The following BPIFB1 variants were observed in gnomAD, a reference collection of about 807,000 sequenced individuals.
The protein encoded by BPIFB1 is BPI fold-containing family B member 1.
BPIFB1 carries 34 observed loss-of-function variants against 55.1 expected under a neutral mutation model. That is an observed-to-expected ratio of 0.62 (90% CI 0.47 to 0.82). BPIFB1 has a LOEUF of 0.82. Among genes scored for constraint, BPIFB1 ranks in the 40% least tolerant of loss-of-function variants. BPIFB1 has a pLI of 0.00. For synonymous variants in BPIFB1, 236 were observed against 245.3 expected, an observed-to-expected ratio of 0.96 and a Z score of 0.35; for missense variants, 532 against 593.1, an observed-to-expected ratio of 0.90 and a Z score of 1.07.
At chr20:33,287,379 A>G (rs1980304200) in intron 2 of BPIFB1, among the ~76,000 whole-genome samples, 1 of 152,250 alleles carries the variant, frequency 6.6e-6, no homozygotes. Flanking sequence ...AACTGCATCT[A>G]TTAGGGCCAT....
intron 2 of BPIFB1, 89 bp downstream of exon 2, chr20:33,286,277 G>A (rs1397250169): frequency 2.2e-5 from 25 of 1,156,870 alleles, no homozygotes; most frequent in East Asian, 7.4e-5. Flanking sequence ...TCCTCATCAC[G>A]GGGGATGTGC....
intron 7 of BPIFB1, among the ~76,000 whole-genome samples, chr20:33,299,378 A>AC (rs1726520254): frequency 1.3e-5 from 2 of 152,238 alleles, no homozygotes; most frequent in African/African-American, 4.8e-5. Flanking sequence ...TTTGGATTTC[A>AC]GAGTAGATGT....
rs765004311 is a variant in BPIFB1 at position 33,309,261 on chromosome 20, G to A, written c.1396-447G>A. On this transcript the variant is annotated intron_variant, in intron 15 of 15. Transcript: ENST00000253354. The surrounding 1 kb of genome is among the most constrained non-coding windows in gnomAD (Gnocchi z 4.4). Reference sequence around the variant, plus strand: ...AGAGTGGAGCCAAAACTTCAAGAAGGCAGGGGTTTCTGTCTGCTTTGTTCT... The same window carrying A: ...AGAGTGGAGCCAAAACTTCAAGAAGACAGGGGTTTCTGTCTGCTTTGTTCT... Among the ~76,000 whole-genome samples the A allele has an allele frequency of 6.6e-5, 10 of 152,134 alleles. No homozygotes were observed. The highest frequency in any genetic ancestry group is 1.2e-4 in the Non-Finnish European group (8 of 68,024).
At chr20:33,287,715 T>G (rs1013640476) in intron 2 of BPIFB1, among the ~76,000 whole-genome samples, 1 of 152,118 alleles carries the variant, frequency 6.6e-6, no homozygotes, top group Non-Finnish European at 1.5e-5. Flanking sequence ...TAAAATTCTC[T>G]GGGAAGCTGC....
At position 33,290,277 on chromosome 20, in the gene BPIFB1, G is replaced by A. The variant is rs149934545; in HGVS notation, c.365+285G>A. The stretch of plus-strand genomic sequence containing the variant: ...GGACTTGGCTTTTGCTGAGTAGGAC[G>A]GGAGCCAGGGAGGATTCTGAGCAGA... On this transcript the variant is annotated intron_variant, in intron 4 of 15. Transcript: ENST00000253354. 4.3e-3 allele frequency among the ~76,000 whole-genome samples: 660 copies of A among 152,286 alleles called. 5 individuals are homozygous for A. The highest frequency in any genetic ancestry group is 0.015 in the African/African-American group (626 of 41,554).
chr20:33,302,991 G>A lies in BPIFB1; in HGVS notation c.1057G>A (p.Gly353Ser), dbSNP rs200149860. 20 of 1,614,118 alleles carry A rather than the reference G, an allele frequency of 1.2e-5. No homozygotes were observed. The East Asian group carries it at 3.1e-4, about 25-fold the overall frequency. Reference protein sequence around the residue: ...QDTPEFFIDQGHAKVAQLIVL... With the variant: ...QDTPEFFIDQSHAKVAQLIVL... ...CACTCCCGAGTTTTTTATAGACCAA[G>A]GCCATGCCAAGGTGGCCCAACTGAT... The change falls in exon 11 of 16, where the codon GGC becomes AGC. Residue 353 changes from glycine (G) to serine (S), a missense_variant. Coordinates refer to ENST00000253354, the MANE Select transcript of BPIFB1 (RefSeq NM_033197.3).
chr20:33,304,836 T>A lies in BPIFB1; in HGVS notation c.1209-10T>A. On this transcript the variant is annotated splice_polypyrimidine_tract_variant and intron_variant, in intron 12 of 15. Coordinates refer to ENST00000253354, the MANE Select transcript of BPIFB1 (RefSeq NM_033197.3). ...TCAGGGGCCGCTCTCACAGGCATCT[T>A]CCATTGCAGCTCTGATCGGATCCAG... is the stretch of plus-strand genomic sequence containing the variant. 1.2e-6 allele frequency: 2 copies of A among 1,614,196 alleles called. No homozygotes were observed. Among genetic ancestry groups the A allele is most frequent in the Non-Finnish European group, 1.7e-6 (2 of 1,180,018 alleles).
chr20:33,297,746 C>T (rs959749756), intron 7 of BPIFB1, 158 bp downstream of exon 7: 28 of 754,932 alleles, frequency 3.7e-5, no homozygotes, highest in African/African-American at 5.2e-5. Context: ...GCCCCAGACG[C>T]GCAGACAGAA....
intron 13 of BPIFB1, among the ~76,000 whole-genome samples, chr20:33,305,316 C>CTTTTTTTTTTTTTT (rs34490442): frequency 9.4e-6 from 1 of 106,204 alleles, no homozygotes; most frequent in Non-Finnish European, 1.8e-5. Context: ...CTATTTTTGA[C>CTTTTTTTTTTTTTT]TTTTTTTTTT....
chr20:33,308,970 T>TACAC (rs34245707), intron 15 of BPIFB1, among the ~76,000 whole-genome samples: 1,864 of 149,372 alleles, frequency 0.012, 14 homozygotes, highest in Non-Finnish European at 0.019. Flanking sequence ...CACATACACA[T>TACAC]ACACACACAC....
At position 33,309,609 on chromosome 20, in the gene BPIFB1, C is replaced by T; in HGVS notation, c.1396-99C>T. ...TTTGTGGGTTCAGGGTCATGGTCCC[C>T]CGGTGCCAGCAGTCACCTTATGGAG... On this transcript the variant is annotated intron_variant, in intron 15 of 15. Transcript: ENST00000253354. This position sits in a 1 kb window ranked among gnomAD's most constrained non-coding sequence, Gnocchi z 4.4. 1 of 1,149,172 alleles carries T rather than the reference C, an allele frequency of 8.7e-7. No homozygotes were observed. The highest frequency in any genetic ancestry group is 1.3e-6 in the Non-Finnish European group (1 of 764,338). 71.2% of individuals were successfully genotyped at this position (1,149,172 alleles called of 1,614,324 possible).
chr20:33,288,657 A>G, intron 2 of BPIFB1, 84 bp from the exon 3 acceptor site: 1 of 1,526,024 alleles, frequency 6.6e-7, no homozygotes, highest in Non-Finnish European at 8.9e-7. Context: ...GCCTCGAGTG[A>G]TACCCCTCCC....
chr20:33,305,892 C>G lies in BPIFB1; in HGVS notation c.1255-110C>G. 3 of 1,219,562 alleles carry G rather than the reference C, an allele frequency of 2.5e-6. No individual in the cohort carries two copies. In the South Asian group the frequency reaches 3.7e-5, roughly 15 times the overall value. 75.5% of individuals were successfully genotyped at this position (1,219,562 alleles called of 1,614,324 possible). A position where few individuals can be genotyped will look rare whatever the true frequency, so the allele number is the denominator to read the frequency against. ...ATCAGCAGGGGACCTGGAATTCCTA[C>G]ATCTCCACCAGCCACCTCACCCATG... On this transcript the variant is annotated intron_variant, in intron 13 of 15. Transcript: ENST00000253354.
chr20:33,299,751 GCATCATTATTATCAA>G (rs1372572940), intron 7 of BPIFB1, 133 bp from the exon 8 acceptor site: 8 of 662,130 alleles, frequency 1.2e-5, no homozygotes, highest in Non-Finnish European at 2.2e-5. Flanking sequence ...ATCACTGTTT[GCATCATTATTATCAA>G]CATCATTATT....
intron 5 of BPIFB1, 49 bp downstream of exon 5, chr20:33,291,155 C>T (rs377564359): frequency 3.2e-5 from 51 of 1,594,126 alleles, no homozygotes; most frequent in South Asian, 3.0e-4. Flanking sequence ...CTGGAAGGAA[C>T]GCCAGGCAGT....
intron 2 of BPIFB1, among the ~76,000 whole-genome samples, chr20:33,288,146 A>G (rs1315718429): frequency 6.6e-6 from 1 of 152,156 alleles, no homozygotes; most frequent in Non-Finnish European, 1.5e-5. Context: ...CTCCTGGGGC[A>G]TCAGCTCTCC....
rs773188873 is a variant in BPIFB1, at chr20:33,289,838, A to G, written c.258-47A>G. 4 of 1,545,458 alleles carry G rather than the reference A, an allele frequency of 2.6e-6. No homozygotes were observed. The African/African-American group carries it at 4.1e-5, about 16-fold the overall frequency. On this transcript the variant is annotated intron_variant, in intron 3 of 15. Transcript: ENST00000253354. ...AGATAGAGAGGGAGTGGATTTGGGA[A>G]TAATGAGCCGGAGGCATGATTCTGA...
At position 33,301,401 on chromosome 20, in the gene BPIFB1, T is replaced by G. The variant is rs1453515431; in HGVS notation, c.916T>G (p.Leu306Val). ...VLSPEEFMVL[L>V]DSVLPESAHR... is the part of the protein sequence containing the mutation. ...CTCTCCAGAAGAATTCATGGTCCTGTTGGACTCTGTGGTAAACCTCAGCAC... is the reference window on the plus strand; with the variant it reads ...CTCTCCAGAAGAATTCATGGTCCTGGTGGACTCTGTGGTAAACCTCAGCAC... The change falls in exon 9 of 16, where the codon TTG becomes GTG. Residue 306 changes from leucine (L) to valine (V), a missense_variant. Physicochemically the swap from Leu to Val is conservative, Grantham distance 32. Transcript: ENST00000253354. 1 of 1,613,568 alleles carries G rather than the reference T, an allele frequency of 6.2e-7. No individual in the cohort carries two copies. The highest frequency in any genetic ancestry group is 1.1e-5 in the South Asian group (1 of 91,060).
rs142208109 is a variant in BPIFB1, at chr20:33,288,868, G to A, written c.243G>A (p.Leu81=). ...PVLGSLVNTV[L]KHIIWLKVIT... ...TGGGCAGCCTGGTGAACACCGTCCT[G>A]AAGCACATCATCTGGTGAGTGGAGC... The change falls in exon 3 of 16, where the codon CTG becomes CTA. Residue 81 remains leucine, a synonymous_variant. Transcript: ENST00000253354. 5.0e-5 allele frequency: 81 copies of A among 1,613,546 alleles called. 1 individual carries two copies. In the African/African-American group the frequency reaches 9.2e-4, roughly 18 times the overall value.
Sources: gnomAD v4.1 joint callset for allele counts (sites outside exome capture counted in the v4.1 genomes callset) on GRCh38, gnomAD v4.1.1 for gene constraint, Gnocchi (gnomAD v3.1) non-coding constraint, MANE v1.5 for transcripts, NCBI Gene and HGNC (gene_info 2026-07-23, HGNC 2026-07-21) for gene names.